Variants in EPHA7 observed in about 807,000 individuals in gnomAD.
EPHA7 encodes EPH receptor A7, also known as ephrin type-A receptor 7.
In EPHA7, 25 loss-of-function variants were observed where a neutral mutation model predicts 112.6. The observed-to-expected ratio is 0.22, with a 90% CI of 0.16 to 0.31. The LOEUF is 0.31. Among genes scored for constraint, EPHA7 ranks in the 10% least tolerant of loss-of-function variants. The pLI is 1.00. For synonymous variants in EPHA7, 437 were observed against 406.5 expected, an observed-to-expected ratio of 1.07 and a Z score of -0.90; for missense variants, 962 against 1,212.6, an observed-to-expected ratio of 0.79 and a Z score of 3.07.
chr6:93,344,004 C>T (rs149707491), intron 5 of EPHA7, among the ~76,000 whole-genome samples: 59 of 151,520 alleles, frequency 3.9e-4, no homozygotes, highest in African/African-American at 1.3e-3. Context: ...CTGCACATAG[C>T]AAAAATAAAA....
At position 93,255,996 on chromosome 6, in the gene EPHA7, C is replaced by T; in HGVS notation, c.2214G>A (p.Met738Ile). 1 of 1,614,042 alleles carries T rather than the reference C, an allele frequency of 6.2e-7. No homozygotes were observed. Among genetic ancestry groups the T allele is most frequent in the South Asian group, 1.1e-5 (1 of 91,080 alleles). ...TCATTCCAGCAGCAATTCCTCTCAG[C>T]ATTCCTACTAACTGAATGACTGTAA... ...GQFTVIQLVG[M>I]LRGIAAGMRY... is the part of the protein sequence containing the mutation. The change falls in exon 13 of 17, where the codon ATG (methionine) becomes ATA (isoleucine). Residue 738 changes from methionine (M) to isoleucine (I), a missense_variant. This residue lies in a region of EPHA7 where 746 missense variants were observed against 889.2 expected (regional missense o/e 0.84). Transcript: ENST00000369303.
At chr6:93,277,914 C>T (rs1271401991) in intron 5 of EPHA7, among the ~76,000 whole-genome samples, 1 of 151,814 alleles carries the variant, frequency 6.6e-6, no homozygotes, top group African/African-American at 2.4e-5. Context: ...ATAGTGGCCC[C>T]AGTCAGGTAT....
At chr6:93,285,275 A>C (rs910214115) in intron 5 of EPHA7, among the ~76,000 whole-genome samples, 1 of 152,228 alleles carries the variant, frequency 6.6e-6, no homozygotes, top group Non-Finnish European at 1.5e-5. Flanking sequence ...TAGTACCAAG[A>C]GAAAATTAAC....
At chr6:93,383,697 A>T (rs2127973807) in intron 3 of EPHA7, among the ~76,000 whole-genome samples, 1 of 152,142 alleles carries the variant, frequency 6.6e-6, no homozygotes, top group East Asian at 1.9e-4. Flanking sequence ...GTAATAGTTG[A>T]GGTTTTTCTT....
chr6:93,306,160 G>T (rs1773246501), intron 5 of EPHA7, among the ~76,000 whole-genome samples: 1 of 151,972 alleles, frequency 6.6e-6, no homozygotes, highest in Middle Eastern at 3.4e-3. Flanking sequence ...GCAGAATTTT[G>T]TAAGTGGCCT....
At chr6:93,270,963 G>A (rs1771188563) in intron 6 of EPHA7, among the ~76,000 whole-genome samples, 1 of 151,644 alleles carries the variant, frequency 6.6e-6, no homozygotes, top group Admixed American at 6.6e-5. Context: ...ATTTATTCTA[G>A]AGAAAATATT....
chr6:93,264,058 C>T (rs142851374), intron 8 of EPHA7, 143 bp from the exon 9 acceptor site: 481 of 481,306 alleles, frequency 1.0e-3, no homozygotes, highest in African/African-American at 8.1e-3. Context: ...AATAATATAG[C>T]GATTCACGAT....
Position 93,241,031 on chromosome 6 carries a change from T to C in EPHA7, c.*2395A>G, listed in dbSNP as rs1769667098. ...AAAAATTTAAGGCAGATGAGGTATA[T>C]TGCTGAAGGAAAAATTTATTTTTGA... is the stretch of plus-strand genomic sequence containing the variant. On this transcript the variant is annotated 3_prime_UTR_variant, in exon 17 of 17. Transcript: ENST00000369303. 1 of 212,364 alleles carries C rather than the reference T, an allele frequency of 4.7e-6. No homozygotes were observed. The highest frequency in any genetic ancestry group is 5.9e-5 in the Admixed American group (1 of 17,060). The allele number at this position is 212,364 out of a possible 1,614,324, so 13.2% of individuals were successfully genotyped here.
At chr6:93,283,280 A>G (rs1389942087) in intron 5 of EPHA7, among the ~76,000 whole-genome samples, 1 of 152,118 alleles carries the variant, frequency 6.6e-6, no homozygotes, top group Admixed American at 6.5e-5. Flanking sequence ...AGGGATTGTA[A>G]ACACACCAAT....
intron 5 of EPHA7, among the ~76,000 whole-genome samples, chr6:93,282,603 G>C (rs1469370185): frequency 6.6e-6 from 1 of 152,198 alleles, no homozygotes; most frequent in Non-Finnish European, 1.5e-5. Flanking sequence ...TTTTGGGCTG[G>C]CCAAGGCTGG....
At chr6:93,379,924 G>A (rs1417047911) in intron 3 of EPHA7, among the ~76,000 whole-genome samples, 2 of 151,992 alleles carry the variant, frequency 1.3e-5, no homozygotes, top group African/African-American at 4.8e-5. Flanking sequence ...TTAGGAGTTA[G>A]AATCAATATA....
chr6:93,247,455 C>A (rs569603198), intron 14 of EPHA7, among the ~76,000 whole-genome samples: 1 of 152,212 alleles, frequency 6.6e-6, no homozygotes, highest in East Asian at 1.9e-4. Context: ...GAAAATATTA[C>A]CAAGCACATG....
intron 5 of EPHA7, among the ~76,000 whole-genome samples, chr6:93,279,066 AT>A (rs1290908826): frequency 1.3e-5 from 2 of 152,082 alleles, no homozygotes. Flanking sequence ...GATTTTTTAA[AT>A]GGAAAATGTG....
chr6:93,294,500 C>T (rs926956643), intron 5 of EPHA7, among the ~76,000 whole-genome samples: 2 of 151,862 alleles, frequency 1.3e-5, no homozygotes, highest in African/African-American at 4.8e-5. Context: ...GGTAACTACC[C>T]TGATTTTTAT....
intron 5 of EPHA7, among the ~76,000 whole-genome samples, chr6:93,273,775 C>A (rs1056836286): frequency 6.6e-6 from 1 of 151,902 alleles, no homozygotes; most frequent in African/African-American, 2.4e-5. Context: ...ACTTTTGAAA[C>A]CTGAACATAT....
chr6:93,246,963 C>T lies in EPHA7; in HGVS notation c.2555G>A (p.Gly852Asp), dbSNP rs1287261842. The T allele has an allele frequency of 1.9e-6, 3 of 1,596,354 alleles. No individual in the cohort carries two copies. The South Asian group carries it at 3.3e-5, about 18-fold the overall frequency. Residue 852 changes from glycine (G) to aspartate (D), a missense_variant, in exon 15 of 17, where the codon GGT (glycine) becomes GAT (aspartate). By Grantham distance (94) the Gly-to-Asp change is moderately conservative (BLOSUM62 -1). This residue lies in a region of EPHA7 where 746 missense variants were observed against 889.2 expected (regional missense o/e 0.84). Coordinates refer to ENST00000369303, the MANE Select transcript of EPHA7 (RefSeq NM_004440.4). ...GTCCATGGGTGCTGGTAAACGATAA[C>T]CTTCTTCTATTGCTTTTATAACCTA... ...NQDVIKAIEE[G>D]YRLPAPMDCP...
At chr6:93,273,253 TTAAC>T (rs1482687777) in intron 5 of EPHA7, among the ~76,000 whole-genome samples, 1 of 152,010 alleles carries the variant, frequency 6.6e-6, no homozygotes, top group East Asian at 1.9e-4. Flanking sequence ...TCAGTGATGA[TTAAC>T]TAGTTGTCTA....
chr6:93,241,436 T>C lies in EPHA7; in HGVS notation c.*1990A>G, dbSNP rs1769685276. 1 of 213,396 alleles carries C rather than the reference T, an allele frequency of 4.7e-6. No individual in the cohort carries two copies. The allele number at this position is 213,396 out of a possible 1,614,324, so 13.2% of individuals were successfully genotyped here. On this transcript the variant is annotated 3_prime_UTR_variant, in exon 17 of 17. Coordinates refer to ENST00000369303, the MANE Select transcript of EPHA7 (RefSeq NM_004440.4). ...GCACATTGTGTTATAGTTCCAAAAA[T>C]ATATTTACAGTCTATTACAAAGATT...
chr6:93,327,878 C>A (rs573607231), intron 5 of EPHA7, among the ~76,000 whole-genome samples: 2 of 151,606 alleles, frequency 1.3e-5, no homozygotes, highest in East Asian at 3.9e-4. Flanking sequence ...AAAGTATATT[C>A]ATGTCATTCT....
Sources: allele counts gnomAD v4.1 joint callset (sites outside exome capture counted in the v4.1 genomes callset), GRCh38; gene constraint gnomAD v4.1.1; regional missense constraint gnomAD v4.1.1; transcripts MANE v1.5; gene names NCBI Gene and HGNC (gene_info 2026-07-23, HGNC 2026-07-21).